TENM4: variants seen among roughly 807,000 people sequenced by gnomAD.
TENM4 encodes teneurin-4.
In TENM4, 82 loss-of-function variants were observed where a neutral mutation model predicts 243.3. That is an observed-to-expected ratio of 0.34 (90% confidence interval 0.28 to 0.40). The LOEUF (loss-of-function observed/expected upper bound fraction) is 0.40. TENM4 is among the 10% of genes least tolerant of loss of function. TENM4 has a pLI of 1.00. For synonymous variants in TENM4, 1,412 were observed against 1,456.3 expected (o/e 0.97, Z 0.69); for missense variants, 3,138 against 3,673.3 (o/e 0.85, Z 3.77).
At chr11:78,704,095 ATATG>A (rs201594584) in intron 27 of TENM4, among the ~76,000 whole-genome samples, 3,488 of 142,932 alleles carry the variant, frequency 0.024, 146 homozygotes, top group African/African-American at 0.089. Context: ...ATACATATAC[ATATG>A]TATGTGTGTG....
At chr11:78,717,127 C>T (rs1163234874) in intron 25 of TENM4, among the ~76,000 whole-genome samples, 1 of 152,196 alleles carries the variant, frequency 6.6e-6, no homozygotes, top group Admixed American at 6.5e-5. Flanking sequence ...CTTCCAGTTC[C>T]TCAAACATAA....
At chr11:79,359,725 G>A (rs1351039320) in intron 1 of TENM4, among the ~76,000 whole-genome samples, 1 of 152,118 alleles carries the variant, frequency 6.6e-6, no homozygotes, top group Non-Finnish European at 1.5e-5. Context: ...GAAAACTGCA[G>A]ATCAGACTTT....
At chr11:78,848,922 C>T (rs531407428) in intron 12 of TENM4, among the ~76,000 whole-genome samples, 1 of 152,354 alleles carries the variant, frequency 6.6e-6, no homozygotes, top group African/African-American at 2.4e-5. Context: ...TTTACAGCAA[C>T]CACCTGGATA....
intron 6 of TENM4, among the ~76,000 whole-genome samples, chr11:78,906,394 C>G (rs981477444): frequency 4.6e-5 from 7 of 152,180 alleles, no homozygotes; most frequent in African/African-American, 1.7e-4. Context: ...GAAAAAGGTC[C>G]TCAGTGAAGA....
intron 2 of TENM4, among the ~76,000 whole-genome samples, chr11:79,259,660 T>A (rs1855761697): frequency 1.3e-4 from 2 of 14,954 alleles, no homozygotes; most frequent in African/African-American, 2.9e-4. Flanking sequence ...CATCCATCTA[T>A]CCATCCATCC....
At chr11:79,350,513 T>A (rs1406124914) in intron 1 of TENM4, among the ~76,000 whole-genome samples, 1 of 149,168 alleles carries the variant, frequency 6.7e-6, no homozygotes, top group East Asian at 2.0e-4. Context: ...CACTGCAGCC[T>A]CGAACATCTG....
At position 79,234,921 on chromosome 11, in the gene TENM4, C is replaced by A. The variant is rs143218717; in HGVS notation, c.-264-19012G>T. Among the ~76,000 whole-genome samples the A allele has an allele frequency of 2.6e-5, 4 of 152,160 alleles. No individual in the cohort carries two copies. The East Asian group carries it at 7.7e-4, about 29-fold the overall frequency. ...GGTAAGAAGAAAATATCTACTGAAG[C>A]ATTGAACTTTCCAGAAACCAAATAT... On this transcript the variant is annotated intron_variant, in intron 2 of 33. Transcript: ENST00000278550.
intron 23 of TENM4, among the ~76,000 whole-genome samples, chr11:78,723,715 A>G (rs1855452831): frequency 6.6e-6 from 1 of 152,196 alleles, no homozygotes; most frequent in Admixed American, 6.5e-5. Context: ...CACAGCCTCC[A>G]AACTGGATCC....
At chr11:79,281,056 C>T (rs1288596662) in intron 2 of TENM4, among the ~76,000 whole-genome samples, 1 of 152,200 alleles carries the variant, frequency 6.6e-6, no homozygotes, top group Admixed American at 6.5e-5. Context: ...TACAAAAACA[C>T]TGGGCTGTCT....
chr11:79,236,045 G>C (rs1237013713), intron 2 of TENM4, among the ~76,000 whole-genome samples: 1 of 152,188 alleles, frequency 6.6e-6, no homozygotes, highest in African/African-American at 2.4e-5. Flanking sequence ...GTTTTCGGGA[G>C]ACTTGATTCC....
intron 14 of TENM4, among the ~76,000 whole-genome samples, chr11:78,808,289 C>T (rs1857431736): frequency 6.6e-6 from 1 of 152,130 alleles, no homozygotes; most frequent in Non-Finnish European, 1.5e-5. Context: ...ACCTAATAAC[C>T]TAAATGATAA....
intron 6 of TENM4, among the ~76,000 whole-genome samples, chr11:78,947,910 G>C (rs1021306805): frequency 1.3e-5 from 2 of 152,140 alleles, no homozygotes; most frequent in Admixed American, 1.3e-4. Context: ...GAGGGGTTCT[G>C]TATTCCAAGA....
chr11:78,973,762 A>ATATTT (rs1311477103), intron 6 of TENM4, among the ~76,000 whole-genome samples: 46 of 151,426 alleles, frequency 3.0e-4, no homozygotes, highest in Non-Finnish European at 1.0e-4. Flanking sequence ...TTTTGCCATT[A>ATATTT]AATATAATGG....
At chr11:79,364,279 T>C (rs908517727) in intron 1 of TENM4, among the ~76,000 whole-genome samples, 16 of 152,178 alleles carry the variant, frequency 1.1e-4, no homozygotes, top group African/African-American at 1.4e-4. Flanking sequence ...GACAGACACA[T>C]GCACCTTCCT....
intron 2 of TENM4, among the ~76,000 whole-genome samples, chr11:79,228,656 A>C (rs535594018): frequency 1.3e-5 from 2 of 152,096 alleles, no homozygotes; most frequent in Admixed American, 6.5e-5. Context: ...GAAAAAAAAA[A>C]CAAGAAAATT....
At chr11:79,166,280 C>T (rs138748253) in intron 3 of TENM4, among the ~76,000 whole-genome samples, 2 of 152,310 alleles carry the variant, frequency 1.3e-5, no homozygotes, top group African/African-American at 2.4e-5. Flanking sequence ...GAAGGTATTT[C>T]GTCTTCTGGA....
chr11:79,036,649 G>A (rs780472381), intron 6 of TENM4, among the ~76,000 whole-genome samples: 1 of 152,222 alleles, frequency 6.6e-6, no homozygotes, highest in Non-Finnish European at 1.5e-5. Context: ...AAGTGGTCAA[G>A]TACTTGTTGG....
At chr11:79,341,007 C>T (rs1332147051) in intron 1 of TENM4, among the ~76,000 whole-genome samples, 2 of 152,200 alleles carry the variant, frequency 1.3e-5, no homozygotes, top group East Asian at 1.9e-4. Flanking sequence ...GTGAGAGACT[C>T]GGAGTTAGTG....
Position 78,738,589 on chromosome 11 carries a change from G to A in TENM4, c.2757-19C>T. ...AGCATGCCTGTGGGAAGAGAAGAGA[G>A]AATAAACATGATACACCTTTCATGG... On this transcript the variant is annotated intron_variant, in intron 19 of 33. Transcript: ENST00000278550. The A allele has an allele frequency of 2.5e-6, 4 of 1,610,994 alleles. No homozygotes were observed. The highest frequency in any genetic ancestry group is 3.4e-6 in the Non-Finnish European group (4 of 1,178,546).
Sources: gnomAD v4.1 joint callset for allele counts (sites outside exome capture counted in the v4.1 genomes callset) on GRCh38, gnomAD v4.1.1 for gene constraint, MANE v1.5 for transcripts, NCBI Gene and HGNC (gene_info 2026-07-23, HGNC 2026-07-21) for gene names.